The following AFTPH variants were observed in gnomAD, a reference collection of about 807,000 sequenced individuals.
The protein encoded by AFTPH is aftiphilin protein.
Under a neutral mutation model 72.5 loss-of-function variants are expected in AFTPH, and 7 were observed. The ratio of observed to expected loss-of-function variants is 0.10; its 90% CI spans 0.05 to 0.18. AFTPH has a LOEUF of 0.18. Among genes scored for constraint, AFTPH ranks in the 10% least tolerant of loss-of-function variants. AFTPH has a pLI of 1.00. For synonymous variants in AFTPH, 337 were observed against 370.1 expected (o/e 0.91, Z 1.03); for missense variants, 979 against 1,060.5 (o/e 0.92, Z 1.07).
chr2:64,539,134 A>G (rs1352376153), intron 1 of AFTPH, among the ~76,000 whole-genome samples: 1 of 152,186 alleles, frequency 6.6e-6, no homozygotes, highest in Non-Finnish European at 1.5e-5. Context: ...ACTTTAAAGC[A>G]TGTCTGCTGT....
rs575871980 is a variant in AFTPH at position 64,545,826 on chromosome 2, C to G, written c.-32-5617C>G. On this transcript the variant is annotated intron_variant, in intron 1 of 8. Transcript: ENST00000238856. ...TGATAGTGGTGGTAGTTACACAAAT[C>G]TGAATAGAGGATAAAATTGAGCAGA... Among the ~76,000 whole-genome samples, 8 of 151,908 alleles carry G rather than the reference C, an allele frequency of 5.3e-5. No homozygotes were observed. In the South Asian group the frequency reaches 1.5e-3, roughly 28 times the overall value.
chr2:64,540,031 G>A (rs1344109210), intron 1 of AFTPH, among the ~76,000 whole-genome samples: 1 of 152,158 alleles, frequency 6.6e-6, no homozygotes, highest in Non-Finnish European at 1.5e-5. Flanking sequence ...AAGCCCCTGA[G>A]CAAGCAGTTG....
intron 8 of AFTPH, among the ~76,000 whole-genome samples, chr2:64,589,874 C>G (rs553986121): frequency 6.8e-6 from 1 of 146,726 alleles, no homozygotes; most frequent in Non-Finnish European, 1.5e-5. Flanking sequence ...GTATCACATT[C>G]TTACCATTCA....
chr2:64,581,809 C>T (rs1013904422), intron 7 of AFTPH, among the ~76,000 whole-genome samples: 1 of 152,078 alleles, frequency 6.6e-6, no homozygotes, highest in Non-Finnish European at 1.5e-5. Context: ...CCACATAGAA[C>T]TATTTCTGTT....
At position 64,567,720 on chromosome 2, in the gene AFTPH, A is replaced by G; in HGVS notation, c.2087+7A>G. 6.2e-7 allele frequency: 1 copy of G among 1,601,392 alleles called. No homozygotes were observed. Among genetic ancestry groups the G allele is most frequent in the Admixed American group, 1.8e-5 (1 of 56,050 alleles). On this transcript the variant is annotated splice_region_variant and intron_variant, in intron 3 of 8. Coordinates refer to ENST00000238856, the Ensembl canonical transcript of AFTPH. ...AGGCCTTACCTGAAAGTGGGTAAGTAGGAGACTGTTTTTAGATAGCATGTG... is the reference window on the plus strand; with the variant it reads ...AGGCCTTACCTGAAAGTGGGTAAGTGGGAGACTGTTTTTAGATAGCATGTG...
chr2:64,558,208 G>T (rs1224175272), intron 2 of AFTPH, among the ~76,000 whole-genome samples: 1 of 152,084 alleles, frequency 6.6e-6, no homozygotes, highest in Non-Finnish European at 1.5e-5. Flanking sequence ...AGCAAGAAAG[G>T]AAAACTAACT....
At chr2:64,537,145 C>A (rs1445661586) in intron 1 of AFTPH, among the ~76,000 whole-genome samples, 1 of 151,720 alleles carries the variant, frequency 6.6e-6, no homozygotes, top group Non-Finnish European at 1.5e-5. Flanking sequence ...ATTGAACAAA[C>A]AATACTGGAA....
At chr2:64,550,677 G>GCACGCACACACA (rs1553398382) in intron 1 of AFTPH, among the ~76,000 whole-genome samples, 3 of 130,234 alleles carry the variant, frequency 2.3e-5, no homozygotes, top group East Asian at 4.6e-4. Context: ...CTGTACGCAT[G>GCACGCACACACA]CACACACACA....
At chr2:64,571,259 C>T (rs958101522) in intron 5 of AFTPH, among the ~76,000 whole-genome samples, 9 of 142,762 alleles carry the variant, frequency 6.3e-5, no homozygotes, top group African/African-American at 1.8e-4. Flanking sequence ...TGTTGAGCAC[C>T]GCCCCCCACC....
At chr2:64,570,712 C>A (rs1278952003) in intron 5 of AFTPH, among the ~76,000 whole-genome samples, 1 of 152,030 alleles carries the variant, frequency 6.6e-6, no homozygotes, top group Non-Finnish European at 1.5e-5. Flanking sequence ...TGTTATGGAA[C>A]TAGGAGTTTA....
In AFTPH at chr2:64,546,468, A is replaced by G. The variant is rs187971391; in HGVS notation, c.-32-4975A>G. Reference sequence around the variant, plus strand: ...GTGAGGAATTTAATTAAGGACTCCAATATCAGATTTTAACAGTGTTTACTT... The same window carrying G: ...GTGAGGAATTTAATTAAGGACTCCAGTATCAGATTTTAACAGTGTTTACTT... On this transcript the variant is annotated intron_variant, in intron 1 of 8. Coordinates refer to ENST00000238856, the Ensembl canonical transcript of AFTPH. Among the ~76,000 whole-genome samples the G allele has an allele frequency of 2.0e-3, 297 of 152,302 alleles. No homozygotes were observed. In the Middle Eastern group the frequency reaches 0.024, roughly 12 times the overall value.
At chr2:64,525,979 G>A (rs780914911) in intron 1 of AFTPH, among the ~76,000 whole-genome samples, 23 of 152,154 alleles carry the variant, frequency 1.5e-4, no homozygotes, top group Non-Finnish European at 3.1e-4. Flanking sequence ...GATTAAATTA[G>A]ATATATCAGT....
At chr2:64,570,138 GTTT>G (rs377064392) in intron 5 of AFTPH, among the ~76,000 whole-genome samples, 1 of 152,116 alleles carries the variant, frequency 6.6e-6, no homozygotes, top group Non-Finnish European at 1.5e-5. Context: ...TGGGTTCTTA[GTTT>G]TTCCATTAAT....
chr2:64,548,978 C>G (rs1390696723), intron 1 of AFTPH, among the ~76,000 whole-genome samples: 2 of 152,116 alleles, frequency 1.3e-5, no homozygotes, highest in African/African-American at 4.8e-5. Flanking sequence ...AGTGACTGAC[C>G]AGTCGTTAAC....
chr2:64,550,024 T>TAAG (rs1670935415), intron 1 of AFTPH, among the ~76,000 whole-genome samples: 1 of 152,208 alleles, frequency 6.6e-6, no homozygotes, highest in Non-Finnish European at 1.5e-5. Context: ...CAGTTTCTTA[T>TAAG]AAAGTTGAGC....
In AFTPH at chr2:64,547,139, CTGTT is replaced by C. The variant is rs541487094; in HGVS notation, c.-32-4303_-32-4300del. Among the ~76,000 whole-genome samples, 191 of 152,306 alleles carry C rather than the reference CTGTT, an allele frequency of 1.3e-3. 2 individuals are homozygous for C. Among genetic ancestry groups the C allele is most frequent in the African/African-American group, 4.0e-3 (166 of 41,562 alleles). ...GCTGCTATAGTGAATCTTTTGGACT[CTGTT>C]AAAGTAGATGACTCACAATCATCCC... On this transcript the variant is annotated intron_variant, in intron 1 of 8. Coordinates refer to ENST00000238856, the Ensembl canonical transcript of AFTPH.
intron 5 of AFTPH, among the ~76,000 whole-genome samples, chr2:64,571,137 T>A (rs1672400541): frequency 6.6e-6 from 1 of 152,124 alleles, no homozygotes; most frequent in South Asian, 2.1e-4. Flanking sequence ...AGATGTTCAA[T>A]AATCTTTTGA....
In AFTPH at chr2:64,524,705, G is replaced by A. The variant is rs1669139426; in HGVS notation, c.-33+93G>A. 8 of 387,302 alleles carry A rather than the reference G, an allele frequency of 2.1e-5. 1 individual carries two copies. The highest frequency in any genetic ancestry group is 3.2e-5 in the Non-Finnish European group (7 of 219,114). The allele number at this position is 387,302 out of a possible 1,614,324, so 24.0% of individuals were successfully genotyped here. A position where few individuals can be genotyped will look rare whatever the true frequency, so the allele number is the denominator to read the frequency against. ...AGCAGCCAGACCCTCACCCGGGCCG[G>A]GAGCATCTGCCCGCCGCGGAGCCGG... On this transcript the variant is annotated intron_variant, in intron 1 of 8. Coordinates refer to ENST00000238856, the Ensembl canonical transcript of AFTPH.
chr2:64,551,217 G>T (rs1009985725), intron 1 of AFTPH, among the ~76,000 whole-genome samples: 3 of 151,708 alleles, frequency 2.0e-5, no homozygotes, highest in Non-Finnish European at 4.4e-5. Flanking sequence ...TAGTCTAAGA[G>T]AACTTTTTTT....
Sources: allele counts gnomAD v4.1 joint callset (sites outside exome capture counted in the v4.1 genomes callset), GRCh38; gene constraint gnomAD v4.1.1; transcripts MANE v1.5; gene names NCBI Gene and HGNC (gene_info 2026-07-23, HGNC 2026-07-21).